Variants in FBN2 observed in about 807,000 individuals in gnomAD.
FBN2 encodes the protein fibrillin-2.
FBN2 carries 105 observed loss-of-function variants against 355.6 expected under a neutral mutation model. The observed-to-expected ratio is 0.30, with a 90% confidence interval of 0.25 to 0.35. FBN2 has a LOEUF of 0.35. Among genes scored for constraint, FBN2 ranks in the 10% least tolerant of loss-of-function variants. The pLI, the probability that FBN2 is intolerant of heterozygous loss-of-function variation, is 1.00. For synonymous variants in FBN2, 1,350 were observed against 1,301.2 expected (o/e 1.04, Z -0.81); for missense variants, 3,280 against 3,758.7 (o/e 0.87, Z 3.33).
At chr5:128,278,924 G>T (rs1296367940) in intron 56 of FBN2, 83 bp from the exon 57 acceptor site, 12 of 1,118,004 alleles carry the variant, frequency 1.1e-5, no homozygotes, top group Non-Finnish European at 6.6e-6. Flanking sequence ...GGGCAGTCAA[G>T]AATTTCCTCC....
At chr5:128,472,585 A>T (rs1162568598) in intron 5 of FBN2, among the ~76,000 whole-genome samples, 1 of 152,046 alleles carries the variant, frequency 6.6e-6, no homozygotes, top group Non-Finnish European at 1.5e-5. Context: ...TGAGGTTGGG[A>T]GTTTGAGACC....
intron 48 of FBN2, among the ~76,000 whole-genome samples, chr5:128,296,054 T>G (rs1045629003): frequency 1.3e-5 from 2 of 152,238 alleles, no homozygotes; most frequent in African/African-American, 4.8e-5. Flanking sequence ...GAAGCACTGT[T>G]GAATTTTGTC....
chr5:128,367,494 G>T (rs762583929), intron 16 of FBN2, among the ~76,000 whole-genome samples: 2 of 151,938 alleles, frequency 1.3e-5, no homozygotes, highest in Non-Finnish European at 2.9e-5. Context: ...TAAAGATTAA[G>T]AAATGATAAA....
Position 128,335,893 on chromosome 5 carries a change from A to G in FBN2, c.3724+95T>C, listed in dbSNP as rs1180206803. 9.7e-6 allele frequency: 13 copies of G among 1,341,118 alleles called. No homozygotes were observed. In the East Asian group the frequency reaches 2.9e-4, roughly 30 times the overall value. 83.1% of individuals were successfully genotyped at this position (1,341,118 alleles called of 1,614,324 possible). Reference sequence around the variant, plus strand: ...AGTCTTACATTCATTTTTGGGACAAAGGATTTGCATAGCCTTCATTATAAT... The same window carrying G: ...AGTCTTACATTCATTTTTGGGACAAGGGATTTGCATAGCCTTCATTATAAT... On this transcript the variant is annotated intron_variant, in intron 28 of 64. Transcript: ENST00000262464.
intron 7 of FBN2, among the ~76,000 whole-genome samples, chr5:128,413,392 C>T (rs1179139695): frequency 2.6e-5 from 4 of 151,948 alleles, no homozygotes; most frequent in Non-Finnish European, 5.9e-5. Context: ...AAAACGGAGG[C>T]TAAGGAAGAA....
intron 5 of FBN2, among the ~76,000 whole-genome samples, chr5:128,479,974 CTCTATATATATATATATA>C (rs1422727870): frequency 0.018 from 302 of 17,188 alleles, 1 homozygote; most frequent in African/African-American, 0.035. Flanking sequence ...CTCTCTCTCT[CTCTATATATATATATATA>C]TATATATATA....
intron 19 of FBN2, 78 bp downstream of exon 19, chr5:128,361,645 G>C (rs1751639932): frequency 1.4e-6 from 2 of 1,468,260 alleles, no homozygotes; most frequent in Non-Finnish European, 1.9e-6. Context: ...TCACTACATT[G>C]CTTCATCACT....
intron 5 of FBN2, among the ~76,000 whole-genome samples, chr5:128,500,221 G>T (rs1755767561): frequency 7.2e-6 from 1 of 139,706 alleles, no homozygotes; most frequent in Non-Finnish European, 1.5e-5. Flanking sequence ...CTTTCCCACA[G>T]CTAATATCAA....
chr5:128,291,406 C>G, intron 49 of FBN2, 123 bp downstream of exon 49: 2 of 1,110,334 alleles, frequency 1.8e-6, no homozygotes, highest in Non-Finnish European at 2.7e-6. Flanking sequence ...AAATTTTTAA[C>G]TTGCAGATGT....
chr5:128,406,160 G>A (rs1858080), intron 8 of FBN2, among the ~76,000 whole-genome samples: 16,773 of 152,124 alleles, frequency 0.11, 1,104 homozygotes, highest in African/African-American at 0.17. Flanking sequence ...CCTTATCTGC[G>A]GGGGATACGT....
Position 128,259,360 on chromosome 5 carries a change from T to C in FBN2, c.*95A>G, listed in dbSNP as rs925916319. 2.9e-5 allele frequency: 41 copies of C among 1,411,172 alleles called. No homozygotes were observed. Among genetic ancestry groups the C allele is most frequent in the Admixed American group, 1.5e-4 (9 of 59,714 alleles). 87.4% of individuals were successfully genotyped at this position (1,411,172 alleles called of 1,614,324 possible). A position where few individuals can be genotyped will look rare whatever the true frequency, so the allele number is the denominator to read the frequency against. ...GGGAGGAAAGAAACAAGAGTTATTA[T>C]TATTTTTCCTCTTTAAAATTAGTCC... is the stretch of plus-strand genomic sequence containing the variant. On this transcript the variant is annotated 3_prime_UTR_variant, in exon 65 of 65. Coordinates refer to ENST00000262464, the MANE Select transcript of FBN2 (RefSeq NM_001999.4).
intron 6 of FBN2, 28 bp from the exon 7 acceptor site, chr5:128,446,634 G>T (rs1188502149): frequency 6.2e-7 from 1 of 1,610,694 alleles, no homozygotes; most frequent in South Asian, 1.1e-5. Flanking sequence ...TTTGAACACA[G>T]ATGACACTGG....
chr5:128,421,678 A>G (rs1211836366), intron 7 of FBN2, among the ~76,000 whole-genome samples: 2 of 152,196 alleles, frequency 1.3e-5, no homozygotes, highest in Non-Finnish European at 2.9e-5. Flanking sequence ...GAAAAACGTT[A>G]AAGGTAAGTC....
chr5:128,289,049 G>C lies in FBN2; in HGVS notation c.6637+78C>G, dbSNP rs543457338. ...ATTTGTAAATCCCCCCATCACCCAG[G>C]GTACCTGAGAGACCTTTTACTGAAT... On this transcript the variant is annotated intron_variant, in intron 52 of 64. Coordinates refer to ENST00000262464, the MANE Select transcript of FBN2 (RefSeq NM_001999.4). The C allele has an allele frequency of 8.4e-5, 123 of 1,462,040 alleles. No homozygotes were observed. In the African/African-American group the frequency reaches 1.3e-3, roughly 16 times the overall value. 90.6% of individuals were successfully genotyped at this position (1,462,040 alleles called of 1,614,324 possible). A position where few individuals can be genotyped will look rare whatever the true frequency, so the allele number is the denominator to read the frequency against.
chr5:128,316,882 C>T (rs1750215137), intron 36 of FBN2, among the ~76,000 whole-genome samples: 1 of 152,142 alleles, frequency 6.6e-6, no homozygotes, highest in Non-Finnish European at 1.5e-5. Flanking sequence ...GTCAGAATTT[C>T]TGAGGGTGTA....
At position 128,393,281 on chromosome 5, in the gene FBN2, T is replaced by C. The variant is rs1413030001; in HGVS notation, c.1319A>G (p.Asn440Ser). The C allele has an allele frequency of 1.2e-6, 2 of 1,614,174 alleles. No individual in the cohort carries two copies. The highest frequency in any genetic ancestry group is 1.7e-6 in the Non-Finnish European group (2 of 1,180,014). ...GCCATTGCCACTTGGGGCAAAGCCA[T>C]TTCCCCCAGTGCCTCCAGGTCTGGA... ...AGSRPGGTGG[N>S]GFAPSGNGNG... Residue 440 changes from asparagine to serine, a missense_variant, in exon 10 of 65, where the codon AAT becomes AGT. Physicochemically the swap from Asn to Ser is conservative, Grantham distance 46 (BLOSUM62 1). Coordinates refer to ENST00000262464, the MANE Select transcript of FBN2 (RefSeq NM_001999.4).
intron 5 of FBN2, among the ~76,000 whole-genome samples, chr5:128,515,256 T>C (rs1561493684): frequency 6.6e-6 from 1 of 152,188 alleles, no homozygotes; most frequent in East Asian, 1.9e-4. Flanking sequence ...AATAAAAATG[T>C]ATACAATAAT....
intron 8 of FBN2, among the ~76,000 whole-genome samples, chr5:128,400,384 A>C (rs1408227777): frequency 6.6e-6 from 1 of 152,146 alleles, no homozygotes; most frequent in African/African-American, 2.4e-5. Context: ...ATAAAATAAA[A>C]AATTACTAGA....
chr5:128,264,756 G>A (rs34525187), intron 62 of FBN2, among the ~76,000 whole-genome samples: 3,931 of 152,226 alleles, frequency 0.026, 171 homozygotes, highest in African/African-American at 0.089. Flanking sequence ...GCCCATGTGG[G>A]GAAACAGGCC....
Sources: allele counts gnomAD v4.1 joint callset (sites outside exome capture counted in the v4.1 genomes callset), GRCh38; gene constraint gnomAD v4.1.1; transcripts MANE v1.5; gene names NCBI Gene and HGNC (gene_info 2026-07-23, HGNC 2026-07-21).